CDH4: variants seen among roughly 807,000 people sequenced by gnomAD.
CDH4 encodes cadherin-4.
A neutral mutation model predicts 86.0 loss-of-function variants in CDH4; 33 were observed. That is an observed-to-expected ratio of 0.38 (90% CI 0.29 to 0.51). The LOEUF (loss-of-function observed/expected upper bound fraction) is 0.51. CDH4 is among the 20% of genes least tolerant of loss of function. The pLI, the probability that CDH4 is intolerant of heterozygous loss-of-function variation, is 0.86. For synonymous variants in CDH4, 555 were observed against 549.4 expected, an observed-to-expected ratio of 1.01 and a Z score of -0.14; for missense variants, 1,114 against 1,307.4, an observed-to-expected ratio of 0.85 and a Z score of 2.28.
intron 4 of CDH4, among the ~76,000 whole-genome samples, chr20:61,794,035 C>G (rs1431497064): frequency 3.6e-5 from 5 of 140,748 alleles, no homozygotes; most frequent in African/African-American, 1.3e-4. Context: ...CCCAGCTACT[C>G]GGGAGGCTGA....
At chr20:61,777,527 T>C (rs2088855300) in intron 4 of CDH4, among the ~76,000 whole-genome samples, 2 of 152,258 alleles carry the variant, frequency 1.3e-5, no homozygotes, top group Admixed American at 1.3e-4. Context: ...GAATTTCCAT[T>C]GTGGCTTCTG....
At chr20:61,435,353 G>A (rs1249523441) in intron 2 of CDH4, among the ~76,000 whole-genome samples, 2 of 152,222 alleles carry the variant, frequency 1.3e-5, no homozygotes, top group African/African-American at 2.4e-5. Flanking sequence ...GGTTGGACCT[G>A]CACCTGTGAA....
chr20:61,489,733 G>A (rs1465228628), intron 2 of CDH4, among the ~76,000 whole-genome samples: 1 of 152,188 alleles, frequency 6.6e-6, no homozygotes, highest in African/African-American at 2.4e-5. Context: ...TTGCTGCCAC[G>A]ATCCTCAATT....
At chr20:61,638,977 C>T (rs867620586) in intron 2 of CDH4, among the ~76,000 whole-genome samples, 1 of 152,128 alleles carries the variant, frequency 6.6e-6, no homozygotes. Flanking sequence ...GAATGAATGA[C>T]GCCATGTGGA....
chr20:61,612,132 T>G (rs1463126303), intron 2 of CDH4, among the ~76,000 whole-genome samples: 1 of 152,138 alleles, frequency 6.6e-6, no homozygotes, highest in Non-Finnish European at 1.5e-5. Flanking sequence ...TTCAAGTACT[T>G]GCAATAATTT....
intron 2 of CDH4, among the ~76,000 whole-genome samples, chr20:61,341,176 G>C (rs547005694): frequency 6.6e-6 from 1 of 152,206 alleles, no homozygotes; most frequent in African/African-American, 2.4e-5. Context: ...TGTGAGTGCT[G>C]TTGCAGTGTG....
intron 3 of CDH4, among the ~76,000 whole-genome samples, chr20:61,764,163 G>C (rs1255025932): frequency 6.6e-6 from 1 of 152,212 alleles, no homozygotes; most frequent in Non-Finnish European, 1.5e-5. Context: ...AAAATATTGT[G>C]GCCCCAAGAA....
chr20:61,863,696 C>T (rs1983425607), intron 6 of CDH4, among the ~76,000 whole-genome samples: 1 of 152,204 alleles, frequency 6.6e-6, no homozygotes, highest in Non-Finnish European at 1.5e-5. Context: ...GCACTGCTTA[C>T]AGCACAGGAA....
chr20:61,852,443 G>A (rs552532216), intron 5 of CDH4, among the ~76,000 whole-genome samples: 53 of 152,238 alleles, frequency 3.5e-4, no homozygotes, highest in Non-Finnish European at 1.3e-4. Flanking sequence ...CAGAACAGTC[G>A]GTGGCTCACG....
intron 2 of CDH4, among the ~76,000 whole-genome samples, chr20:61,465,994 A>G (rs8122615): frequency 0.033 from 5,048 of 152,152 alleles, 283 homozygotes; most frequent in African/African-American, 0.12. Flanking sequence ...TAGAATGGCC[A>G]GGCAATGAGA....
Position 61,505,574 on chromosome 20 carries a change from G to A in CDH4, c.170-237989G>A, listed in dbSNP as rs752895622. ...CCAGGGAAAAAGTACCCTTCCTAAC[G>A]CTGGTGCCCCACTCAGCACTTGCTT... On this transcript the variant is annotated intron_variant, in intron 2 of 15. Coordinates refer to ENST00000614565, the MANE Select transcript of CDH4 (RefSeq NM_001794.5). Among the ~76,000 whole-genome samples the A allele has an allele frequency of 7.9e-5, 12 of 152,292 alleles. 1 individual carries two copies. The South Asian group carries it at 1.5e-3, about 18-fold the overall frequency.
intron 2 of CDH4, among the ~76,000 whole-genome samples, chr20:61,406,330 G>A (rs1309986369): frequency 7.6e-6 from 1 of 130,720 alleles, no homozygotes; most frequent in Non-Finnish European, 1.6e-5. Flanking sequence ...CATCTGCTCT[G>A]CCCGGACCAC....
rs556658629 is a variant in CDH4, at chr20:61,518,965, T to TATCC, written c.170-224585_170-224582dup. On this transcript the variant is annotated intron_variant, in intron 2 of 15. Transcript: ENST00000614565. The surrounding 1 kb of genome is among the most constrained non-coding windows in gnomAD (Gnocchi z 6.3). ...TTCATTCATCTATCCATCCATTATT[T>TATCC]ATCCATCCATCCATCCTTCATCCAT... Among the ~76,000 whole-genome samples, 1 of 129,566 alleles carries TATCC rather than the reference T, an allele frequency of 7.7e-6. No individual in the cohort carries two copies. Among genetic ancestry groups the TATCC allele is most frequent in the South Asian group, 2.3e-4 (1 of 4,354 alleles). 85.0% of individuals were successfully genotyped at this position (129,566 alleles called of 152,430 possible).
intron 2 of CDH4, chr20:61,499,443 C>T (rs1176123581): frequency 1.6e-6 from 2 of 1,288,768 alleles, no homozygotes; most frequent in Non-Finnish European, 2.0e-6. Context: ...CGATGAACGG[C>T]AGCTGTGACT....
At chr20:61,884,944 C>G (rs1984473923) in intron 7 of CDH4, among the ~76,000 whole-genome samples, 1 of 152,116 alleles carries the variant, frequency 6.6e-6, no homozygotes, top group Non-Finnish European at 1.5e-5. Flanking sequence ...GCCCCAGGTC[C>G]CTTCAGCCTG....
intron 2 of CDH4, chr20:61,600,102 C>T (rs2086588170): frequency 3.6e-6 from 1 of 281,598 alleles, no homozygotes; most frequent in Non-Finnish European, 5.4e-6. Context: ...CCAGCTGGCT[C>T]CTCGGATGCT....
intron 2 of CDH4, among the ~76,000 whole-genome samples, chr20:61,565,179 T>TA (rs1279379601): frequency 3.5e-5 from 3 of 84,656 alleles, no homozygotes; most frequent in South Asian, 4.7e-4. Context: ...GGGGTGGTGG[T>TA]GGTGGTGGTC....
At chr20:61,262,599 A>G (rs558249941) in intron 2 of CDH4, among the ~76,000 whole-genome samples, 1 of 152,298 alleles carries the variant, frequency 6.6e-6, no homozygotes, top group South Asian at 2.1e-4. Flanking sequence ...TCACAATGAA[A>G]TTCATAACCA....
rs1363675613 is a variant in CDH4, at chr20:61,628,325, G to A, written c.170-115238G>A. ...CCCCCACCCCTCTGCACATGGAACCGGGCACCCCCACCCCTGTGCTCAGCC... is the reference window on the plus strand; with the variant it reads ...CCCCCACCCCTCTGCACATGGAACCAGGCACCCCCACCCCTGTGCTCAGCC... On this transcript the variant is annotated intron_variant, in intron 2 of 15. Transcript: ENST00000614565. Among the ~76,000 whole-genome samples, 5 of 151,220 alleles carry A rather than the reference G, an allele frequency of 3.3e-5. No individual in the cohort carries two copies. The East Asian group carries it at 7.8e-4, about 24-fold the overall frequency.
Sources: allele counts gnomAD v4.1 joint callset (sites outside exome capture counted in the v4.1 genomes callset), GRCh38; gene constraint gnomAD v4.1.1; non-coding constraint Gnocchi (gnomAD v3.1); transcripts MANE v1.5; gene names NCBI Gene and HGNC (gene_info 2026-07-23, HGNC 2026-07-21).